Variants in THRB observed in about 807,000 individuals in gnomAD.
THRB encodes thyroid hormone receptor beta.
THRB carries 12 observed loss-of-function variants against 47.8 expected under a neutral mutation model. That is an observed-to-expected ratio of 0.25 (90% confidence interval 0.16 to 0.41). The LOEUF is 0.41. Among genes scored for constraint, THRB ranks in the 10% least tolerant of loss-of-function variants. THRB has a pLI of 1.00. For synonymous variants in THRB, 218 were observed against 212.2 expected (o/e 1.03, Z -0.24); for missense variants, 348 against 589.2 (o/e 0.59, Z 4.24).
chr3:24,211,182 A>G (rs1054848796), intron 4 of THRB, among the ~76,000 whole-genome samples: 2 of 148,576 alleles, frequency 1.3e-5, no homozygotes, highest in African/African-American at 5.2e-5. Context: ...CCTGGGCAAC[A>G]GCAAGACTCC....
chr3:24,197,427 T>C (rs929823489), intron 4 of THRB, among the ~76,000 whole-genome samples: 2 of 152,232 alleles, frequency 1.3e-5, no homozygotes, highest in African/African-American at 2.4e-5. Flanking sequence ...TCTTTGAATC[T>C]CTCTCCTGAA....
chr3:24,289,415 TTA>T (rs1249867134), intron 3 of THRB, among the ~76,000 whole-genome samples: 9 of 152,184 alleles, frequency 5.9e-5, no homozygotes, highest in Admixed American at 5.2e-4. Context: ...AATGGCAATT[TTA>T]TATAGTTTTC....
At chr3:24,355,414 A>G (rs1201604597) in intron 1 of THRB, among the ~76,000 whole-genome samples, 1 of 152,194 alleles carries the variant, frequency 6.6e-6, no homozygotes, top group Non-Finnish European at 1.5e-5. Flanking sequence ...TAATTGGGAA[A>G]AAGAATTGTT....
intron 1 of THRB, among the ~76,000 whole-genome samples, chr3:24,404,585 A>C (rs1350765679): frequency 2.0e-5 from 3 of 151,932 alleles, no homozygotes; most frequent in African/African-American, 7.2e-5. Context: ...GCTCTTCTCA[A>C]TCATTTTTTG....
At chr3:24,296,808 CCA>C (rs990529301) in intron 3 of THRB, among the ~76,000 whole-genome samples, 21 of 152,304 alleles carry the variant, frequency 1.4e-4, no homozygotes, top group African/African-American at 4.8e-4. Flanking sequence ...ATAGGGCTAT[CCA>C]CACACTTTAG....
intron 4 of THRB, among the ~76,000 whole-genome samples, chr3:24,195,239 G>A (rs769953594): frequency 6.6e-6 from 1 of 152,164 alleles, no homozygotes; most frequent in Non-Finnish European, 1.5e-5. Context: ...AACTGAGCTA[G>A]ACACTTTATC....
chr3:24,387,429 T>C (rs563321469), intron 1 of THRB, among the ~76,000 whole-genome samples: 3 of 152,294 alleles, frequency 2.0e-5, no homozygotes, highest in East Asian at 1.9e-4. Context: ...TGAGCTGTTG[T>C]TCACAAAGAG....
intron 4 of THRB, among the ~76,000 whole-genome samples, chr3:24,207,198 A>T (rs993911078): frequency 2.0e-5 from 3 of 152,222 alleles, no homozygotes; most frequent in Non-Finnish European, 4.4e-5. Flanking sequence ...ACAAAAAAAG[A>T]GAATTTTAGA....
At position 24,121,134 on chromosome 3, in the gene THRB, T is replaced by A. The variant is rs781190736; in HGVS notation, c.*1750A>T. ...AAAAAAAATAATTAAAGGAACCAGA[T>A]TTTTTTTTTCCCCTTGAAATTCAGA... is the stretch of plus-strand genomic sequence containing the variant. On this transcript the variant is annotated 3_prime_UTR_variant, in exon 11 of 11. Transcript: ENST00000646209. 7.3e-6 allele frequency: 1 copy of A among 136,744 alleles called. No homozygotes were observed. Among genetic ancestry groups the A allele is most frequent in the African/African-American group, 3.4e-5 (1 of 29,118 alleles). 8.5% of individuals were successfully genotyped at this position (136,744 alleles called of 1,614,324 possible).
chr3:24,340,456 G>C (rs1227595208), intron 1 of THRB, among the ~76,000 whole-genome samples: 2 of 150,252 alleles, frequency 1.3e-5, no homozygotes, highest in Non-Finnish European at 3.0e-5. Flanking sequence ...TATGAAGCCT[G>C]AGCTAGATTG....
intron 1 of THRB, among the ~76,000 whole-genome samples, chr3:24,472,085 C>T (rs1694787291): frequency 1.3e-5 from 2 of 152,172 alleles, no homozygotes; most frequent in South Asian, 4.1e-4. Context: ...TCCTTAAAAA[C>T]ATTTTTACAG....
At chr3:24,345,786 A>G (rs764972152) in intron 1 of THRB, among the ~76,000 whole-genome samples, 21 of 152,104 alleles carry the variant, frequency 1.4e-4, no homozygotes, top group Non-Finnish European at 2.6e-4. Flanking sequence ...CTCCACATTT[A>G]AAGTGTCAAA....
At chr3:24,203,815 G>T (rs1374554418) in intron 4 of THRB, among the ~76,000 whole-genome samples, 1 of 152,230 alleles carries the variant, frequency 6.6e-6, no homozygotes, top group Non-Finnish European at 1.5e-5. Flanking sequence ...CCCTAATACT[G>T]CACTTTTCCA....
At position 24,253,123 on chromosome 3, in the gene THRB, G is replaced by A. The variant is rs549573976; in HGVS notation, c.-42-24122C>T. On this transcript the variant is annotated intron_variant, in intron 3 of 10. Coordinates refer to ENST00000646209, the MANE Select transcript of THRB (RefSeq NM_001354712.2). ...ATTTGAGGTAACACTCAGAGATAAT[G>A]TACGTTTTACAAAATTGCTGTGGAG... 2.2e-4 allele frequency among the ~76,000 whole-genome samples: 34 copies of A among 152,264 alleles called. 1 individual carries two copies. Among genetic ancestry groups the A allele is most frequent in the East Asian group, 1.3e-3 (7 of 5,188 alleles).
chr3:24,174,853 A>G (rs1053453511), intron 5 of THRB, among the ~76,000 whole-genome samples: 1 of 152,184 alleles, frequency 6.6e-6, no homozygotes, highest in African/African-American at 2.4e-5. Flanking sequence ...AGACTCAGGG[A>G]GGTTCCATAA....
At chr3:24,270,252 C>T (rs149857136) in intron 3 of THRB, among the ~76,000 whole-genome samples, 1,631 of 152,264 alleles carry the variant, frequency 0.011, 9 homozygotes, top group Non-Finnish European at 0.017. Context: ...AGACACTTAA[C>T]CAGGTTTACT....
intron 1 of THRB, among the ~76,000 whole-genome samples, chr3:24,381,132 A>T: frequency 6.6e-6 from 1 of 151,270 alleles, no homozygotes; most frequent in Middle Eastern, 3.4e-3. Flanking sequence ...AAAAAAAAAA[A>T]TTACCATTTC....
At chr3:24,451,619 G>A (rs891320070) in intron 1 of THRB, among the ~76,000 whole-genome samples, 2 of 152,142 alleles carry the variant, frequency 1.3e-5, no homozygotes, top group Admixed American at 6.6e-5. Context: ...TCTTTCACCT[G>A]CTCCTGACCT....
intron 2 of THRB, among the ~76,000 whole-genome samples, chr3:24,300,507 T>C (rs1251792494): frequency 6.6e-6 from 1 of 152,180 alleles, no homozygotes; most frequent in Admixed American, 6.5e-5. Flanking sequence ...GCAATAAAAT[T>C]CCTGTACACA....
Sources: gnomAD v4.1 joint callset for allele counts (sites outside exome capture counted in the v4.1 genomes callset) on GRCh38, gnomAD v4.1.1 for gene constraint, MANE v1.5 for transcripts, NCBI Gene and HGNC (gene_info 2026-07-23, HGNC 2026-07-21) for gene names.